The following CPNE4 variants were observed in gnomAD, a reference collection of about 807,000 sequenced individuals.
The protein encoded by CPNE4 is copine-4.
In CPNE4, 25 loss-of-function variants were observed where a neutral mutation model predicts 67.9. That is an observed-to-expected ratio of 0.37 (90% CI 0.27 to 0.51). The LOEUF (loss-of-function observed/expected upper bound fraction) is 0.51. CPNE4 is among the 20% of genes least tolerant of loss of function. The pLI is 0.93. For missense variants in CPNE4, 464 were observed against 690.8 expected (o/e 0.67, Z 3.68); for synonymous variants, 242 against 244.9 (o/e 0.99, Z 0.11).
upstream of CPNE4, chr3:132,038,003 CT>C (rs35184182): frequency 0.25 from 36,052 of 145,456 alleles, 4,519 homozygotes; most frequent in East Asian, 0.39. Context: ...TATTTTCTTT[CT>C]TTTTTTTTTT....
intron 2 of CPNE4, among the ~76,000 whole-genome samples, chr3:131,876,564 C>T (rs1166456671): frequency 6.9e-6 from 1 of 145,028 alleles, no homozygotes; most frequent in African/African-American, 2.6e-5. Context: ...ATGGCGTGAA[C>T]CCGGGAGGCG....
intron 2 of CPNE4, among the ~76,000 whole-genome samples, chr3:131,873,280 T>C (rs1405703857): frequency 6.6e-6 from 1 of 152,224 alleles, no homozygotes; most frequent in East Asian, 1.9e-4. Context: ...TCCTAGTGAA[T>C]GATTCTTTAT....
At chr3:131,899,136 G>A (rs2088455149) in intron 2 of CPNE4, among the ~76,000 whole-genome samples, 1 of 152,104 alleles carries the variant, frequency 6.6e-6, no homozygotes. Flanking sequence ...GTCCACAACT[G>A]GGAAGTTAAC....
intron 2 of CPNE4, among the ~76,000 whole-genome samples, chr3:131,804,158 A>G (rs889454532): frequency 3.3e-5 from 5 of 152,048 alleles, no homozygotes; most frequent in Admixed American, 6.5e-5. Context: ...TCTCTGATTC[A>G]ACTATCAGGT....
intron 1 of CPNE4, among the ~76,000 whole-genome samples, chr3:131,968,015 G>A (rs1277583658): frequency 6.6e-6 from 1 of 152,082 alleles, no homozygotes; most frequent in African/African-American, 2.4e-5. Context: ...CACATATATA[G>A]ACCAACGGAA....
At chr3:131,891,626 C>T (rs928287466) in intron 2 of CPNE4, among the ~76,000 whole-genome samples, 1 of 152,046 alleles carries the variant, frequency 6.6e-6, no homozygotes, top group African/African-American at 2.4e-5. Flanking sequence ...GCTATGTGTA[C>T]ATGTGTTCTC....
At chr3:131,686,095 C>T in intron 5 of CPNE4, 137 bp from the exon 6 acceptor site, 1 of 601,512 alleles carries the variant, frequency 1.7e-6, no homozygotes, top group Non-Finnish European at 3.0e-6. Context: ...CATGCTTGTC[C>T]TCTCTTCCTG....
At chr3:131,756,021 T>C (rs1212611196) in intron 2 of CPNE4, among the ~76,000 whole-genome samples, 2 of 152,110 alleles carry the variant, frequency 1.3e-5, no homozygotes, top group East Asian at 3.9e-4. Flanking sequence ...CCACCAAGAA[T>C]GTATCCAAGG....
intron 2 of CPNE4, among the ~76,000 whole-genome samples, chr3:131,851,409 C>A (rs1018172632): frequency 9.9e-5 from 15 of 151,948 alleles, no homozygotes; most frequent in African/African-American, 3.6e-4. Context: ...GGAAATATAA[C>A]AAGCTGAAAA....
chr3:131,833,766 T>A (rs189120420), intron 2 of CPNE4, among the ~76,000 whole-genome samples: 70 of 152,282 alleles, frequency 4.6e-4, no homozygotes, highest in Non-Finnish European at 8.7e-4. Context: ...TGGAGAAATT[T>A]GCAAAGGTCA....
chr3:131,981,425 G>A (rs186080825), intron 1 of CPNE4, among the ~76,000 whole-genome samples: 16 of 152,134 alleles, frequency 1.1e-4, no homozygotes, highest in African/African-American at 3.6e-4. Flanking sequence ...GTATGTAGGC[G>A]GATTATGGCC....
chr3:131,980,902 C>G (rs111354431), intron 1 of CPNE4, among the ~76,000 whole-genome samples: 4 of 152,292 alleles, frequency 2.6e-5, no homozygotes, highest in African/African-American at 9.6e-5. Context: ...TTGTAGTACT[C>G]TCCCCCTTTT....
chr3:131,807,112 C>T lies in CPNE4; in HGVS notation c.181-83487G>A, dbSNP rs79401704. On this transcript the variant is annotated intron_variant, in intron 2 of 15. Transcript: ENST00000429747. ...GATCAGGAACCAGTATTCTATGCTG[C>T]CAGTGCCTGGCGGGGGTGGTGATGA... Among the ~76,000 whole-genome samples the T allele has an allele frequency of 3.0e-3, 464 of 152,218 alleles. 13 individuals carry two copies. In the East Asian group the frequency reaches 0.04, roughly 13 times the overall value.
In CPNE4 at chr3:131,706,591, G is replaced by C. The variant is rs560165911; in HGVS notation, c.361-6611C>G. Reference sequence around the variant, plus strand: ...AACTAGTTTAGGCTATGATAGGAAGGGGGAGTCAGACATGCCTCATTATAC... The same window carrying C: ...AACTAGTTTAGGCTATGATAGGAAGCGGGAGTCAGACATGCCTCATTATAC... On this transcript the variant is annotated intron_variant, in intron 3 of 15. Coordinates refer to ENST00000429747, the MANE Select transcript of CPNE4 (RefSeq NM_130808.3). Among the ~76,000 whole-genome samples, 8 of 152,262 alleles carry C rather than the reference G, an allele frequency of 5.3e-5. No homozygotes were observed. In the South Asian group the frequency reaches 8.3e-4, roughly 16 times the overall value.
chr3:131,803,075 G>T (rs573886560), intron 2 of CPNE4, among the ~76,000 whole-genome samples: 114 of 152,250 alleles, frequency 7.5e-4, no homozygotes, highest in Middle Eastern at 6.8e-3. Context: ...GTAGTGAAAG[G>T]TTACAAAAAT....
chr3:131,542,835 G>C, intron 14 of CPNE4, 42 bp from the exon 15 acceptor site: 3 of 1,405,638 alleles, frequency 2.1e-6, no homozygotes, highest in Non-Finnish European at 3.0e-6. Flanking sequence ...GGGTGAAGAG[G>C]TGAGGGAGAC....
chr3:131,555,565 GAAGAA>G lies in CPNE4; in HGVS notation c.1062-19_1062-15del. 2 of 1,610,484 alleles carry G rather than the reference GAAGAA, an allele frequency of 1.2e-6. No homozygotes were observed. Among genetic ancestry groups the G allele is most frequent in the East Asian group, 2.2e-5 (1 of 44,772 alleles). ...AACATTTTGTCACTGAAACCAAAAT[GAAGAA>G]AAGAAAAAACAAGAAGTTGCTTCAT... On this transcript the variant is annotated splice_polypyrimidine_tract_variant and intron_variant, in intron 11 of 15. Transcript: ENST00000429747.
At chr3:131,606,590 T>C (rs536779147) in intron 7 of CPNE4, among the ~76,000 whole-genome samples, 2 of 152,310 alleles carry the variant, frequency 1.3e-5, no homozygotes, top group Non-Finnish European at 1.5e-5. Context: ...GACATTTCTT[T>C]GGATTACTTG....
chr3:131,863,839 G>C (rs1295935785), intron 2 of CPNE4, among the ~76,000 whole-genome samples: 1 of 152,176 alleles, frequency 6.6e-6, no homozygotes, highest in Non-Finnish European at 1.5e-5. Flanking sequence ...ATGGTTTTAG[G>C]TCTGACATTT....
Sources: gnomAD v4.1 joint callset for allele counts (sites outside exome capture counted in the v4.1 genomes callset) on GRCh38, gnomAD v4.1.1 for gene constraint, MANE v1.5 for transcripts, NCBI Gene and HGNC (gene_info 2026-07-23, HGNC 2026-07-21) for gene names.